The following LYRM4 variants were observed in gnomAD, a reference collection of about 807,000 sequenced individuals.
LYRM4 encodes LYR motif containing 4, also known as LYR motif-containing protein 4.
LYRM4 carries 9 observed loss-of-function variants against 11.7 expected under a neutral mutation model. The observed-to-expected ratio is 0.77, with a 90% CI of 0.46 to 1.34. LYRM4 has a LOEUF of 1.34. Among genes scored for constraint, LYRM4 ranks in the 40% most tolerant of loss-of-function variants. The pLI is 0.00. For synonymous variants in LYRM4, 42 were observed against 40.4 expected, an observed-to-expected ratio of 1.04 and a Z score of -0.15; for missense variants, 133 against 112.5, an observed-to-expected ratio of 1.18 and a Z score of -0.82.
At chr6:5,044,020 C>T in the LYRM4 span, among the ~76,000 whole-genome samples, 1 of 152,320 alleles carries the variant, frequency 6.6e-6, no homozygotes, top group Non-Finnish European at 1.5e-5. Context: ...TGGTGCACAC[C>T]TTCCTCTTGG....
chr6:5,110,636 A>G (rs1374310990), intron 2 of LYRM4, among the ~76,000 whole-genome samples: 1 of 152,136 alleles, frequency 6.6e-6, no homozygotes, highest in Non-Finnish European at 1.5e-5. Context: ...CAGTGGAGAT[A>G]TGGGGGATGG....
intron 1 of LYRM4, among the ~76,000 whole-genome samples, chr6:5,248,792 T>A (rs1764308207): frequency 6.6e-6 from 1 of 152,256 alleles, no homozygotes; most frequent in South Asian, 2.1e-4. Flanking sequence ...TTTCAGGGAA[T>A]CTATCAGTCT....
chr6:5,065,754 CAAAT>C, the LYRM4 span: 5 of 257,364 alleles, frequency 1.9e-5, no homozygotes, highest in Non-Finnish European at 3.6e-5. Context: ...TCATGGTTTC[CAAAT>C]AAATAAACTG....
At chr6:5,162,498 C>CAA (rs1554133056) in intron 2 of LYRM4, among the ~76,000 whole-genome samples, 7 of 148,492 alleles carry the variant, frequency 4.7e-5, no homozygotes, top group Middle Eastern at 3.3e-3. Flanking sequence ...AGAGAGCGAG[C>CAA]GAGAGAGAGA....
At chr6:5,221,742 T>C (rs1398900917) in intron 1 of LYRM4, among the ~76,000 whole-genome samples, 3 of 152,194 alleles carry the variant, frequency 2.0e-5, no homozygotes, top group Non-Finnish European at 2.9e-5. Flanking sequence ...TGATGACCAA[T>C]ACTTCCTTCC....
At chr6:5,175,706 A>C (rs1487336445) in intron 2 of LYRM4, among the ~76,000 whole-genome samples, 1 of 152,138 alleles carries the variant, frequency 6.6e-6, no homozygotes, top group Non-Finnish European at 1.5e-5. Context: ...CTTTGACCAA[A>C]AAAATATGGC....
intron 2 of LYRM4, among the ~76,000 whole-genome samples, chr6:5,176,687 T>A (rs765484635): frequency 3.9e-5 from 6 of 152,216 alleles, no homozygotes; most frequent in Non-Finnish European, 8.8e-5. Context: ...TATGTTATGA[T>A]CTGACAGAGT....
rs1762743540 is a variant in LYRM4 at position 5,108,692 on chromosome 6, G to T, written c.*731C>A. 1 of 788,898 alleles carries T rather than the reference G, an allele frequency of 1.3e-6. No homozygotes were observed. Among genetic ancestry groups the T allele is most frequent in the Non-Finnish European group, 1.5e-6 (1 of 650,108 alleles). 48.9% of individuals were successfully genotyped at this position (788,898 alleles called of 1,614,324 possible). A position where few individuals can be genotyped will look rare whatever the true frequency, so the allele number is the denominator to read the frequency against. On this transcript the variant is annotated 3_prime_UTR_variant, in exon 3 of 3. Coordinates refer to ENST00000330636, the MANE Select transcript of LYRM4 (RefSeq NM_020408.6). ...CCCCAGGCTTCAGGGTATGGGAGTCGCCCTGGGCTTGGGTCAGGCTGGGGC... is the reference window on the plus strand; with the variant it reads ...CCCCAGGCTTCAGGGTATGGGAGTCTCCCTGGGCTTGGGTCAGGCTGGGGC...
chr6:5,218,028 C>T (rs1762375297), intron 1 of LYRM4, among the ~76,000 whole-genome samples: 1 of 152,058 alleles, frequency 6.6e-6, no homozygotes, highest in Admixed American at 6.5e-5. Context: ...CTGCCTCAGC[C>T]TCCAAAGTGG....
intron 1 of LYRM4, among the ~76,000 whole-genome samples, chr6:5,249,179 G>C (rs971076680): frequency 6.6e-5 from 10 of 152,182 alleles, no homozygotes; most frequent in African/African-American, 2.2e-4. Flanking sequence ...TATTCTGCTA[G>C]AAAGTTCTGC....
the LYRM4 span, among the ~76,000 whole-genome samples, chr6:5,098,195 C>T: frequency 2.6e-5 from 4 of 152,178 alleles, no homozygotes; most frequent in African/African-American, 9.7e-5. Context: ...CATCCTGCTC[C>T]GTTCCGAACC....
At chr6:5,247,798 A>G (rs1198831658) in intron 1 of LYRM4, among the ~76,000 whole-genome samples, 1 of 152,240 alleles carries the variant, frequency 6.6e-6, no homozygotes, top group African/African-American at 2.4e-5. Flanking sequence ...CATCCATTAA[A>G]TAAAAAAAAA....
At position 5,124,600 on chromosome 6, in the gene LYRM4, G is replaced by T. The variant is rs554103257; in HGVS notation, c.208-15109C>A. On this transcript the variant is annotated intron_variant, in intron 2 of 2. Coordinates refer to ENST00000330636, the MANE Select transcript of LYRM4 (RefSeq NM_020408.6). ...ACCTCTATTCAGGGAGATGGGATTC[G>T]ACTTCAATCACCATGATGGCAAGCA... Among the ~76,000 whole-genome samples the T allele has an allele frequency of 4.9e-4, 74 of 152,240 alleles. 2 individuals carry two copies. The South Asian group carries it at 0.015, about 31-fold the overall frequency.
At chr6:5,057,299 G>A in the LYRM4 span, among the ~76,000 whole-genome samples, 8 of 152,228 alleles carry the variant, frequency 5.3e-5, no homozygotes, top group East Asian at 1.2e-3. Flanking sequence ...GACCTGAAGG[G>A]GGAGCTCAAG....
chr6:5,083,479 C>T, the LYRM4 span, among the ~76,000 whole-genome samples: 1 of 152,142 alleles, frequency 6.6e-6, no homozygotes, highest in Non-Finnish European at 1.5e-5. Context: ...ACCGGCAGGG[C>T]CCCCTTTACA....
chr6:5,066,377 C>A, the LYRM4 span: 3 of 729,382 alleles, frequency 4.1e-6, no homozygotes, highest in South Asian at 2.9e-5. Flanking sequence ...CCAAAGTGGC[C>A]CTTTTTTCAC....
chr6:5,231,025 C>G (rs577327830), intron 1 of LYRM4, among the ~76,000 whole-genome samples: 118 of 152,188 alleles, frequency 7.8e-4, no homozygotes, highest in African/African-American at 2.8e-3. Flanking sequence ...GCCTGTAATC[C>G]CAGCACTTTG....
chr6:5,076,748 G>C, the LYRM4 span, among the ~76,000 whole-genome samples: 5 of 152,324 alleles, frequency 3.3e-5, no homozygotes, highest in South Asian at 6.2e-4. Flanking sequence ...GGAGATCTTA[G>C]AATGTCTGTA....
At chr6:5,212,656 A>AAGCC (rs1388204432) in intron 2 of LYRM4, among the ~76,000 whole-genome samples, 3 of 152,226 alleles carry the variant, frequency 2.0e-5, no homozygotes. Context: ...GGCTTTACAG[A>AAGCC]ATCATCTTAT....
Sources: allele counts gnomAD v4.1 joint callset (sites outside exome capture counted in the v4.1 genomes callset), GRCh38; gene constraint gnomAD v4.1.1; transcripts MANE v1.5; gene names NCBI Gene and HGNC (gene_info 2026-07-23, HGNC 2026-07-21).